The following HDAC4 variants were observed in gnomAD, a reference collection of about 807,000 sequenced individuals.
HDAC4 encodes the protein histone deacetylase 4, also known as histone deacetylase A.
In HDAC4, 16 loss-of-function variants were observed where a neutral mutation model predicts 135.1. That is an observed-to-expected ratio of 0.12 (90% CI 0.08 to 0.18). The LOEUF is 0.18. HDAC4 is among the 10% of genes least tolerant of loss of function. The pLI is 1.00. For synonymous variants in HDAC4, 685 were observed against 653.4 expected (o/e 1.05, Z -0.74); for missense variants, 1,143 against 1,511.8 (o/e 0.76, Z 4.05).
chr2:239,330,801 G>T (rs931581226), intron 2 of HDAC4, among the ~76,000 whole-genome samples: 1 of 152,192 alleles, frequency 6.6e-6, no homozygotes, highest in Non-Finnish European at 1.5e-5. Flanking sequence ...TGTTTTAAGT[G>T]AGCAATTATA....
chr2:239,163,656 C>T (rs912455489), intron 6 of HDAC4, 147 bp downstream of exon 6: 12 of 871,074 alleles, frequency 1.4e-5, no homozygotes, highest in African/African-American at 3.3e-5. Context: ...CACCCACATC[C>T]GAGCACCACT....
chr2:239,125,723 CA>C (rs1216574287), intron 12 of HDAC4, among the ~76,000 whole-genome samples: 1 of 152,250 alleles, frequency 6.6e-6, no homozygotes, highest in Non-Finnish European at 1.5e-5. Flanking sequence ...AACACGTAAT[CA>C]GCATGTTAGT....
chr2:239,243,605 GC>G (rs59516714), intron 2 of HDAC4, among the ~76,000 whole-genome samples: 3,259 of 152,290 alleles, frequency 0.021, 116 homozygotes, highest in African/African-American at 0.075. Flanking sequence ...GGGAACGGAA[GC>G]TTAGGGCTAC....
At chr2:239,393,340 A>G (rs1030596238) in intron 1 of HDAC4, among the ~76,000 whole-genome samples, 3 of 152,232 alleles carry the variant, frequency 2.0e-5, no homozygotes, top group Non-Finnish European at 4.4e-5. Context: ...GCCAGGCACC[A>G]GTGCACAAAA....
chr2:239,188,209 TG>T (rs2044680512), intron 4 of HDAC4, among the ~76,000 whole-genome samples: 1 of 152,234 alleles, frequency 6.6e-6, no homozygotes, highest in Admixed American at 6.5e-5. Context: ...GAGCTGTCCC[TG>T]AGCCTGTCCT....
intron 1 of HDAC4, among the ~76,000 whole-genome samples, chr2:239,379,082 C>T (rs571811745): frequency 1.3e-4 from 20 of 152,280 alleles, no homozygotes; most frequent in Admixed American, 9.1e-4. Context: ...AGGGAAGAAA[C>T]GCTCCTCAGG....
intron 1 of HDAC4, among the ~76,000 whole-genome samples, chr2:239,361,444 T>C (rs1024826307): frequency 2.6e-5 from 4 of 152,226 alleles, no homozygotes; most frequent in Admixed American, 2.6e-4. Flanking sequence ...TGCAGAGGGC[T>C]GCCATGAGAA....
chr2:239,352,983 C>A lies in HDAC4; in HGVS notation c.-219-65G>T. Reference sequence around the variant, plus strand: ...ATGGAAGTTCCGATCTGGAAAACAACATCCAACTAGGGAAATGATGACTTC... The same window carrying A: ...ATGGAAGTTCCGATCTGGAAAACAAAATCCAACTAGGGAAATGATGACTTC... On this transcript the variant is annotated intron_variant, in intron 1 of 26. Coordinates refer to ENST00000543185, the MANE Select transcript of HDAC4 (RefSeq NM_001378414.1). This position sits in a 1 kb window ranked among gnomAD's most constrained non-coding sequence, Gnocchi z 4.4. 1 of 467,742 alleles carries A rather than the reference C, an allele frequency of 2.1e-6. No individual in the cohort carries two copies. Among genetic ancestry groups the A allele is most frequent in the Non-Finnish European group, 3.9e-6 (1 of 255,930 alleles). 29.0% of individuals were successfully genotyped at this position (467,742 alleles called of 1,614,324 possible).
At chr2:239,102,608 A>T (rs1397171500) in intron 16 of HDAC4, 168 bp downstream of exon 16, 2 of 712,088 alleles carry the variant, frequency 2.8e-6, no homozygotes, top group African/African-American at 3.6e-5. Context: ...GTTCATCAAC[A>T]ACCAGTGGCT....
rs557910126 is a variant in HDAC4 at position 239,303,879 on chromosome 2, G to A, written c.22+48799C>T. Among the ~76,000 whole-genome samples, 1 of 152,250 alleles carries A rather than the reference G, an allele frequency of 6.6e-6. No homozygotes were observed. Among genetic ancestry groups the A allele is most frequent in the Admixed American group, 6.5e-5 (1 of 15,300 alleles). ...CCCAGATACCCACCAGACCCTACAG[G>A]CCTGCCCCGTGGCCCTGGGAATGCT... On this transcript the variant is annotated intron_variant, in intron 2 of 26. Transcript: ENST00000543185. The surrounding 1 kb of genome is among the most constrained non-coding windows in gnomAD (Gnocchi z 5.1).
chr2:239,138,565 C>A (rs554334791), intron 9 of HDAC4, among the ~76,000 whole-genome samples: 1 of 152,346 alleles, frequency 6.6e-6, no homozygotes, highest in Admixed American at 6.5e-5. Context: ...CACAGCATTT[C>A]CAGCTCAACT....
chr2:239,076,740 C>CTAAG (rs1025448349), intron 22 of HDAC4, among the ~76,000 whole-genome samples: 4 of 152,226 alleles, frequency 2.6e-5, no homozygotes, highest in Admixed American at 2.6e-4. Flanking sequence ...GCTCTCCCTA[C>CTAAG]TAAGGGGCCT....
rs932774201 is a variant in HDAC4, at chr2:239,139,317, C to T, written c.978+367G>A. Among the ~76,000 whole-genome samples, 10 of 152,208 alleles carry T rather than the reference C, an allele frequency of 6.6e-5. No individual in the cohort carries two copies. The highest frequency in any genetic ancestry group is 2.4e-4 in the African/African-American group (10 of 41,442). ...CTCTCAGCCACCCTCAGAGCACTGGCGACCACAGCGAGCTGGGCAGCAGGG... is the reference window on the plus strand; with the variant it reads ...CTCTCAGCCACCCTCAGAGCACTGGTGACCACAGCGAGCTGGGCAGCAGGG... On this transcript the variant is annotated intron_variant, in intron 9 of 26. Transcript: ENST00000543185. This position sits in a 1 kb window ranked among gnomAD's most constrained non-coding sequence, Gnocchi z 5.3.
chr2:239,264,427 G>A (rs2049586442), intron 2 of HDAC4, among the ~76,000 whole-genome samples: 1 of 152,254 alleles, frequency 6.6e-6, no homozygotes, highest in Non-Finnish European at 1.5e-5. Context: ...TTAAGAATGT[G>A]CTAATGTAAG....
chr2:239,055,229 CT>C, intron 24 of HDAC4: 3 of 277,462 alleles, frequency 1.1e-5, no homozygotes, highest in South Asian at 1.0e-4. Context: ...TGAATATCCC[CT>C]GATCTTGGTT....
intron 22 of HDAC4, among the ~76,000 whole-genome samples, chr2:239,080,306 G>C (rs1482583480): frequency 6.6e-6 from 1 of 152,234 alleles, no homozygotes; most frequent in Non-Finnish European, 1.5e-5. Flanking sequence ...ATGGGGCTTT[G>C]ACACCATACT....
In HDAC4 at chr2:239,115,449, C is replaced by CA; in HGVS notation, c.1534-140dup. On this transcript the variant is annotated intron_variant, in intron 12 of 26. Coordinates refer to ENST00000543185, the MANE Select transcript of HDAC4 (RefSeq NM_001378414.1). The surrounding 1 kb of genome is among the most constrained non-coding windows in gnomAD (Gnocchi z 6.3). ...GGCACCTTATCACCCTGCCACAGGCCAGCAGGCACCTTTATCTCCCAACAG... is the reference window on the plus strand; with the variant it reads ...GGCACCTTATCACCCTGCCACAGGCCAAGCAGGCACCTTTATCTCCCAACAG... 1 of 1,027,394 alleles carries CA rather than the reference C, an allele frequency of 9.7e-7. No individual in the cohort carries two copies. Among genetic ancestry groups the CA allele is most frequent in the Admixed American group, 2.4e-5 (1 of 41,968 alleles). 63.6% of individuals were successfully genotyped at this position (1,027,394 alleles called of 1,614,324 possible).
chr2:239,397,674 G>A (rs564359751), intron 1 of HDAC4, among the ~76,000 whole-genome samples: 35 of 152,260 alleles, frequency 2.3e-4, no homozygotes, highest in African/African-American at 7.5e-4. Context: ...CCCAAAACAG[G>A]TCCCACTCTT....
At position 239,050,352 on chromosome 2, in the gene HDAC4, A is replaced by G. The variant is rs2030648935; in HGVS notation, c.*2745T>C. Reference sequence around the variant, plus strand: ...CCTCCCCATAAGCCACGGCGGGGTAAGAGGGCAGGTGGCAGGATCCCCAGA... The same window carrying G: ...CCTCCCCATAAGCCACGGCGGGGTAGGAGGGCAGGTGGCAGGATCCCCAGA... On this transcript the variant is annotated 3_prime_UTR_variant, in exon 27 of 27. Coordinates refer to ENST00000543185, the MANE Select transcript of HDAC4 (RefSeq NM_001378414.1). 6.6e-6 allele frequency: 1 copy of G among 152,188 alleles called. No individual in the cohort carries two copies. The allele number at this position is 152,188 out of a possible 1,614,324, so 9.4% of individuals were successfully genotyped here.
Sources: allele counts gnomAD v4.1 joint callset (sites outside exome capture counted in the v4.1 genomes callset), GRCh38; gene constraint gnomAD v4.1.1; non-coding constraint Gnocchi (gnomAD v3.1); transcripts MANE v1.5; gene names NCBI Gene and HGNC (gene_info 2026-07-23, HGNC 2026-07-21).